The following SRPK2 variants were observed in gnomAD, a reference collection of about 807,000 sequenced individuals.
The protein encoded by SRPK2 is SFRS protein kinase 2.
A neutral mutation model predicts 90.8 loss-of-function variants in SRPK2; 21 were observed. The ratio of observed to expected loss-of-function variants is 0.23; its 90% CI spans 0.16 to 0.33. The LOEUF (loss-of-function observed/expected upper bound fraction) is 0.33, where lower values mean the gene tolerates loss of function less well. Ranked by LOEUF, SRPK2 falls within the 10% of genes least tolerant of loss-of-function variation. SRPK2 has a pLI of 1.00. For synonymous variants in SRPK2, 288 were observed against 311.1 expected (o/e 0.93, Z 0.78); for missense variants, 620 against 869.0 (o/e 0.71, Z 3.60).
intron 2 of SRPK2, among the ~76,000 whole-genome samples, chr7:105,209,403 G>A (rs943659246): frequency 6.6e-6 from 1 of 152,140 alleles, no homozygotes; most frequent in Non-Finnish European, 1.5e-5. Context: ...AATTAGCTGG[G>A]CGTGGTGGCA....
chr7:105,240,952 G>A (rs1043104775), intron 2 of SRPK2, among the ~76,000 whole-genome samples: 1 of 152,140 alleles, frequency 6.6e-6, no homozygotes, highest in African/African-American at 2.4e-5. Flanking sequence ...TCATTTGCCT[G>A]TTTTTTAAAG....
intron 2 of SRPK2, among the ~76,000 whole-genome samples, chr7:105,284,727 T>C (rs62484673): frequency 0.012 from 1,887 of 152,298 alleles, 10 homozygotes; most frequent in Non-Finnish European, 0.017. Context: ...CGAGCATCAG[T>C]AGTCCCTTAT....
chr7:105,221,882 C>A (rs1431596177), intron 2 of SRPK2, among the ~76,000 whole-genome samples: 3 of 152,206 alleles, frequency 2.0e-5, no homozygotes, highest in Non-Finnish European at 4.4e-5. Flanking sequence ...CAAACTAATT[C>A]TTTACAGCCC....
intron 2 of SRPK2, among the ~76,000 whole-genome samples, chr7:105,308,431 T>A (rs1811366116): frequency 6.6e-6 from 1 of 152,174 alleles, no homozygotes; most frequent in African/African-American, 2.4e-5. Context: ...GCCCTGTATA[T>A]TAGAACTCTT....
intron 2 of SRPK2, among the ~76,000 whole-genome samples, chr7:105,254,920 C>A (rs1432161926): frequency 6.6e-6 from 1 of 151,754 alleles, no homozygotes; most frequent in Admixed American, 6.6e-5. Flanking sequence ...GAACTCCTGA[C>A]CTCAGATGAT....
chr7:105,255,421 C>T (rs1004136533), intron 2 of SRPK2, among the ~76,000 whole-genome samples: 24 of 151,828 alleles, frequency 1.6e-4, no homozygotes, highest in African/African-American at 5.6e-4. Context: ...AGTTATCAAA[C>T]TAGTCTCAAT....
At chr7:105,231,774 ATTTG>A (rs971250833) in intron 2 of SRPK2, among the ~76,000 whole-genome samples, 3 of 152,132 alleles carry the variant, frequency 2.0e-5, no homozygotes, top group African/African-American at 7.2e-5. Flanking sequence ...TCTCTTACAA[ATTTG>A]TTTAAGTTCT....
chr7:105,326,988 AG>A (rs1813664977), intron 2 of SRPK2, among the ~76,000 whole-genome samples: 1 of 151,282 alleles, frequency 6.6e-6, no homozygotes, highest in African/African-American at 2.4e-5. Flanking sequence ...ACTTGAACCC[AG>A]GAGGTGGAGG....
chr7:105,376,048 C>T (rs935728747), intron 2 of SRPK2, among the ~76,000 whole-genome samples: 1 of 118,016 alleles, frequency 8.5e-6, no homozygotes, highest in African/African-American at 3.3e-5. Context: ...GGCTGGAGTG[C>T]AGTGTCGTGA....
intron 2 of SRPK2, among the ~76,000 whole-genome samples, chr7:105,360,283 T>TA (rs1585881028): frequency 6.6e-6 from 1 of 152,314 alleles, no homozygotes; most frequent in East Asian, 1.9e-4. Flanking sequence ...TCTCTGAAGG[T>TA]AAGATGGGTC....
chr7:105,393,930 A>G (rs1822248347), upstream of SRPK2, among the ~76,000 whole-genome samples: 1 of 151,680 alleles, frequency 6.6e-6, no homozygotes, highest in Non-Finnish European at 1.5e-5. Context: ...AGAGCAAGAC[A>G]CTGTCTCAAA....
At chr7:105,138,956 A>T (rs746160464) in intron 11 of SRPK2, among the ~76,000 whole-genome samples, 19 of 152,238 alleles carry the variant, frequency 1.2e-4, no homozygotes, top group Non-Finnish European at 2.4e-4. Flanking sequence ...CTGTGTACAC[A>T]AAGTATATGC....
intron 2 of SRPK2, among the ~76,000 whole-genome samples, chr7:105,232,833 T>C (rs1400279274): frequency 6.6e-6 from 1 of 151,784 alleles, no homozygotes; most frequent in Non-Finnish European, 1.5e-5. Flanking sequence ...GCCAACATGG[T>C]GAAACCTCGT....
At chr7:105,124,852 C>A (rs1310641135) in intron 15 of SRPK2, among the ~76,000 whole-genome samples, 1 of 151,904 alleles carries the variant, frequency 6.6e-6, no homozygotes, top group Non-Finnish European at 1.5e-5. Context: ...GTACAGCAGG[C>A]TGGGCGCAGT....
At chr7:105,388,930 G>A (rs1822002534), upstream of SRPK2, 1 of 1,192,420 alleles carries the variant, frequency 8.4e-7, no homozygotes, top group Non-Finnish European at 1.0e-6. Flanking sequence ...CTGCGCCGCC[G>A]CCGCCGCCGC....
chr7:105,388,863 C>A lies in SRPK2; in HGVS notation c.-57G>T. ...CGCGACGGCGACGCGGGCGCCGAGA[C>A]GAGCTGGGCTGCAGCCTCCACTCGC... On this transcript the variant is annotated 5_prime_UTR_variant, in exon 1 of 16. Transcript: ENST00000393651. The A allele has an allele frequency of 7.7e-7, 1 of 1,306,398 alleles. No homozygotes were observed. Among genetic ancestry groups the A allele is most frequent in the Non-Finnish European group, 9.7e-7 (1 of 1,033,292 alleles). The allele number at this position is 1,306,398 out of a possible 1,614,324, so 80.9% of individuals were successfully genotyped here. A position where few individuals can be genotyped will look rare whatever the true frequency, so the allele number is the denominator to read the frequency against.
At chr7:105,266,268 A>G (rs1004934982) in intron 2 of SRPK2, among the ~76,000 whole-genome samples, 8 of 152,154 alleles carry the variant, frequency 5.3e-5, no homozygotes, top group African/African-American at 1.9e-4. Flanking sequence ...TTCCCATTTT[A>G]TAAAATTGAA....
intron 2 of SRPK2, among the ~76,000 whole-genome samples, chr7:105,368,334 G>C (rs1291771451): frequency 6.6e-6 from 1 of 152,134 alleles, no homozygotes; most frequent in East Asian, 1.9e-4. Flanking sequence ...GCAGGTCCAT[G>C]TGACCTGTTA....
intron 2 of SRPK2, among the ~76,000 whole-genome samples, chr7:105,349,197 G>A (rs1260604971): frequency 6.7e-6 from 1 of 148,640 alleles, no homozygotes; most frequent in Non-Finnish European, 1.5e-5. Context: ...ATGGAGGGGA[G>A]GAAGAAATCA....
Sources: gnomAD v4.1 joint callset for allele counts (sites outside exome capture counted in the v4.1 genomes callset) on GRCh38, gnomAD v4.1.1 for gene constraint, MANE v1.5 for transcripts, NCBI Gene and HGNC (gene_info 2026-07-23, HGNC 2026-07-21) for gene names.